CLK2: variants seen among roughly 807,000 people sequenced by gnomAD.
CLK2 encodes CDC like kinase 2, also known as dual specificity protein kinase CLK2.
CLK2 carries 12 observed loss-of-function variants against 73.5 expected under a neutral mutation model. The observed-to-expected ratio is 0.16, with a 90% CI of 0.10 to 0.26. The LOEUF (loss-of-function observed/expected upper bound fraction) is 0.26, where lower values mean the gene tolerates loss of function less well. Ranked by LOEUF, CLK2 falls within the 10% of genes least tolerant of loss-of-function variation. The pLI, the probability that CLK2 is intolerant of heterozygous loss-of-function variation, is 1.00. For missense variants in CLK2, 509 were observed against 688.4 expected (o/e 0.74, Z 2.92); for synonymous variants, 232 against 237.9 (o/e 0.98, Z 0.23).
rs1460983451 is a variant in CLK2 at position 155,269,705 on chromosome 1, T to A, written c.182A>T (p.Asp61Val). ...YHVRSRSSYD[D>V]RSSDRRVYDR... ...ATACACCCTCCGGTCGGACGAACGA[T>A]CATCATAACTGCTGTTGGATAACAA... is the stretch of plus-strand genomic sequence containing the variant. The change falls in exon 3 of 13, where the codon GAT becomes GTT. Residue 61 changes from aspartate to valine, a missense_variant. Asp to Val is a radical substitution (Grantham distance 152, BLOSUM62 -3). Transcript: ENST00000368361. 1 of 1,614,138 alleles carries A rather than the reference T, an allele frequency of 6.2e-7. No individual in the cohort carries two copies. The highest frequency in any genetic ancestry group is 8.5e-7 in the Non-Finnish European group (1 of 1,179,966).
At chr1:155,272,629 C>T (rs1020370416) in intron 1 of CLK2, among the ~76,000 whole-genome samples, 5 of 152,044 alleles carry the variant, frequency 3.3e-5, no homozygotes, top group Non-Finnish European at 7.4e-5. Flanking sequence ...TTGATGCATT[C>T]TTGGTGTAAC....
rs1356582454 is a variant in CLK2, at chr1:155,264,684, C to A, written c.1024G>T (p.Val342Phe). The change falls in exon 9 of 13, where the codon GTC becomes TTC. Residue 342 changes from valine to phenylalanine, a missense_variant. This residue lies in a region of CLK2 where 48 missense variants were observed against 144.9 expected (regional missense o/e 0.33). Coordinates refer to ENST00000368361, the MANE Select transcript of CLK2 (RefSeq NM_001294338.2). ...TFDHEHHSTI[V>F]STRHYRAPEV... The stretch of plus-strand genomic sequence containing the variant: ...GGTGCTCGGTAATGGCGAGTGGAGA[C>A]AATGGTGCTATGGTGCTCATGGTCA... 1 of 1,614,234 alleles carries A rather than the reference C, an allele frequency of 6.2e-7. No individual in the cohort carries two copies.
chr1:155,269,757 T>C (rs1201008553), intron 2 of CLK2, 41 bp from the exon 3 acceptor site: 1 of 1,556,072 alleles, frequency 6.4e-7, no homozygotes, highest in Non-Finnish European at 8.9e-7. Context: ...TCTGTTCAGA[T>C]CACATTCCCT....
intron 12 of CLK2, 59 bp downstream of exon 12, chr1:155,263,891 A>T (rs1240395107): frequency 6.5e-7 from 1 of 1,531,380 alleles, no homozygotes; most frequent in Non-Finnish European, 9.0e-7. Context: ...GGGGCAAACC[A>T]CCCTAAGAAG....
chr1:155,268,861 T>TGGGTGGGGGGGTGGGGGGGG lies in CLK2; in HGVS notation c.400-67_400-66insCCCCCCCCACCCCCCCACCC. 4.2e-6 allele frequency: 1 copy of TGGGTGGGGGGGTGGGGGGGG among 237,798 alleles called. No homozygotes were observed. The highest frequency in any genetic ancestry group is 7.5e-6 in the Non-Finnish European group (1 of 134,188). 14.7% of individuals were successfully genotyped at this position (237,798 alleles called of 1,614,324 possible). ...GAGCGGGGGCCGGAGGGAGGCGGGG[T>TGGGTGGGGGGGTGGGGGGGG]GGGTGGTAGAGGGGTCACCGGTCAC... On this transcript the variant is annotated intron_variant, in intron 3 of 12. Transcript: ENST00000368361. The surrounding 1 kb of genome is among the most constrained non-coding windows in gnomAD (Gnocchi z 5.6).
chr1:155,268,164 A>C lies in CLK2; in HGVS notation c.555-38T>G. The stretch of plus-strand genomic sequence containing the variant: ...AGGAGAGGCTTTTGCTGGGTTCTCA[A>C]GAATGTCTCAAAATGAACAGGGCTG... On this transcript the variant is annotated intron_variant, in intron 5 of 12. Transcript: ENST00000368361. The surrounding 1 kb of genome is among the most constrained non-coding windows in gnomAD (Gnocchi z 5.6). 6.3e-7 allele frequency: 1 copy of C among 1,591,586 alleles called. No homozygotes were observed. The highest frequency in any genetic ancestry group is 8.6e-7 in the Non-Finnish European group (1 of 1,159,462).
At position 155,270,941 on chromosome 1, in the gene CLK2, C is replaced by T; in HGVS notation, c.37G>A (p.Gly13Ser). 1 of 1,614,168 alleles carries T rather than the reference C, an allele frequency of 6.2e-7. No homozygotes were observed. The highest frequency in any genetic ancestry group is 8.5e-7 in the Non-Finnish European group (1 of 1,180,004). Residue 13 changes from glycine (G) to serine (S), a missense_variant, in exon 2 of 13, where the codon GGC becomes AGC. Gly to Ser is a moderately conservative substitution (Grantham distance 56, BLOSUM62 0). Around this residue, in one of 6 missense-constraint regions of CLK2, gnomAD observed 222 missense variants for 221.7 expected, o/e 1.00. Coordinates refer to ENST00000368361, the MANE Select transcript of CLK2 (RefSeq NM_001294338.2). The part of the protein sequence containing the change: ...HPRRYHSSER[G>S]SRGSYREHYR... Reference sequence around the variant, plus strand: ...TGTTCACGGTAACTCCCCCGGCTGCCTCGCTCTGAGGAGTGGTACCTTCGA... The same window carrying T: ...TGTTCACGGTAACTCCCCCGGCTGCTTCGCTCTGAGGAGTGGTACCTTCGA...
At chr1:155,269,457 G>T in intron 3 of CLK2, 31 bp downstream of exon 3, 2 of 1,587,148 alleles carry the variant, frequency 1.3e-6, no homozygotes, top group Non-Finnish European at 1.7e-6. Context: ...GCAGAAGAGT[G>T]GGGAGAGGAA....
rs1673142570 is a variant in CLK2 at position 155,264,636 on chromosome 1, C to T, written c.1063+9G>A. 1 of 1,614,102 alleles carries T rather than the reference C, an allele frequency of 6.2e-7. No individual in the cohort carries two copies. The highest frequency in any genetic ancestry group is 1.3e-5 in the African/African-American group (1 of 74,946). ...TCTCACACACTTGGACAGCCTTGCC[C>T]TCCCTTACCAAGGATGACTTCTGGT... On this transcript the variant is annotated intron_variant, in intron 9 of 12. Coordinates refer to ENST00000368361, the MANE Select transcript of CLK2 (RefSeq NM_001294338.2).
rs371867107 is a variant in CLK2, at chr1:155,268,651, G to A, written c.487+57C>T. 7.3e-6 allele frequency: 11 copies of A among 1,511,752 alleles called. No individual in the cohort carries two copies. Among genetic ancestry groups the A allele is most frequent in the Admixed American group, 1.7e-5 (1 of 59,826 alleles). 93.6% of individuals were successfully genotyped at this position (1,511,752 alleles called of 1,614,324 possible). A position where few individuals can be genotyped will look rare whatever the true frequency, so the allele number is the denominator to read the frequency against. On this transcript the variant is annotated intron_variant, in intron 4 of 12. Transcript: ENST00000368361. The surrounding 1 kb of genome is among the most constrained non-coding windows in gnomAD (Gnocchi z 5.6). Reference sequence around the variant, plus strand: ...GCTGTGACTCAGGTTGGCTTGGGACGTTAGGATGGCTATGGGACCATTACA... The same window carrying A: ...GCTGTGACTCAGGTTGGCTTGGGACATTAGGATGGCTATGGGACCATTACA...
Position 155,268,226 on chromosome 1 carries a change from C to CA in CLK2, c.554+66dup. The CA allele has an allele frequency of 6.4e-7, 1 of 1,566,448 alleles. No homozygotes were observed. The highest frequency in any genetic ancestry group is 8.8e-7 in the Non-Finnish European group (1 of 1,137,504). On this transcript the variant is annotated intron_variant, in intron 5 of 12. Coordinates refer to ENST00000368361, the MANE Select transcript of CLK2 (RefSeq NM_001294338.2). The surrounding 1 kb of genome is among the most constrained non-coding windows in gnomAD (Gnocchi z 5.6). Reference sequence around the variant, plus strand: ...AGAAATTCTACCTCAGGTTAATTAGCAAAAAAGCCCCATATAACCCCAACC... The same window carrying CA: ...AGAAATTCTACCTCAGGTTAATTAGCAAAAAAAGCCCCATATAACCCCAACC...
At chr1:155,269,249 T>A in intron 3 of CLK2, 1 of 599,686 alleles carries the variant, frequency 1.7e-6, no homozygotes, top group Non-Finnish European at 3.0e-6. Flanking sequence ...CCCAACACAA[T>A]AAGCCCAACA....
At chr1:155,267,364 A>G (rs1673278560) in intron 6 of CLK2, among the ~76,000 whole-genome samples, 1 of 152,216 alleles carries the variant, frequency 6.6e-6, no homozygotes, top group East Asian at 1.9e-4. Context: ...TGCTGGGATT[A>G]CAGGCGTGAG....
chr1:155,269,276 G>A (rs1358963791), intron 3 of CLK2: 1 of 605,168 alleles, frequency 1.7e-6, no homozygotes, highest in African/African-American at 1.9e-5. Flanking sequence ...GGAGAGCACT[G>A]GGGGTCACAA....
At chr1:155,269,793 C>T in intron 2 of CLK2, 77 bp from the exon 3 acceptor site, 1 of 1,327,568 alleles carries the variant, frequency 7.5e-7, no homozygotes, top group Non-Finnish European at 1.1e-6. Flanking sequence ...AAGGTCCTGC[C>T]TTAGTGAGGA....
In CLK2 at chr1:155,262,981, T is replaced by A. The variant is rs1673040712; in HGVS notation, c.*237A>T. On this transcript the variant is annotated 3_prime_UTR_variant, in exon 13 of 13. Transcript: ENST00000368361. ...CACTCGGCCCCCATCCAACTCCGTA[T>A]GAGGGGGCAGGTGAGGGTGGAAACT... The A allele has an allele frequency of 2.3e-6, 1 of 440,104 alleles. No homozygotes were observed. Among genetic ancestry groups the A allele is most frequent in the African/African-American group, 2.0e-5 (1 of 49,860 alleles). 27.3% of individuals were successfully genotyped at this position (440,104 alleles called of 1,614,324 possible). A position where few individuals can be genotyped will look rare whatever the true frequency, so the allele number is the denominator to read the frequency against.
chr1:155,263,598 A>T, intron 12 of CLK2, 198 bp from the exon 13 acceptor site: 3 of 985,092 alleles, frequency 3.0e-6, no homozygotes, highest in Non-Finnish European at 3.6e-6. Context: ...ATTACTCCAT[A>T]ATCTTTGAAA....
Position 155,268,836 on chromosome 1 carries a change from G to A in CLK2, c.400-41C>T. On this transcript the variant is annotated intron_variant, in intron 3 of 12. Transcript: ENST00000368361. This position sits in a 1 kb window ranked among gnomAD's most constrained non-coding sequence, Gnocchi z 5.6. ...GGGGGTCGGAGCAAGCCAGGTGTCG[G>A]AGCGGGGGCCGGAGGGAGGCGGGGT... 4 of 1,348,850 alleles carry A rather than the reference G, an allele frequency of 3.0e-6. No individual in the cohort carries two copies. Among genetic ancestry groups the A allele is most frequent in the South Asian group, 1.2e-5 (1 of 85,912 alleles). 83.6% of individuals were successfully genotyped at this position (1,348,850 alleles called of 1,614,324 possible).
rs1336784804 is a variant in CLK2, at chr1:155,267,862, T to C, written c.671+148A>G. 6.0e-6 allele frequency: 4 copies of C among 666,086 alleles called. No individual in the cohort carries two copies. In the East Asian group the frequency reaches 7.6e-5, roughly 13 times the overall value. 41.3% of individuals were successfully genotyped at this position (666,086 alleles called of 1,614,324 possible). ...CATGGGCCCCCCCCCTTTCCTACCC[T>C]GATGTTCTACTACTCTAAGATGATG... On this transcript the variant is annotated intron_variant, in intron 6 of 12. Coordinates refer to ENST00000368361, the MANE Select transcript of CLK2 (RefSeq NM_001294338.2).
Sources: gnomAD v4.1 joint callset for allele counts (sites outside exome capture counted in the v4.1 genomes callset) on GRCh38, gnomAD v4.1.1 for gene constraint, gnomAD v4.1.1 regional missense constraint, Gnocchi (gnomAD v3.1) non-coding constraint, MANE v1.5 for transcripts, NCBI Gene and HGNC (gene_info 2026-07-23, HGNC 2026-07-21) for gene names.